The following GRIK3 variants were observed in gnomAD, a reference collection of about 807,000 sequenced individuals.
GRIK3 encodes the protein glutamate ionotropic receptor kainate type subunit 3, also known as glutamate receptor ionotropic, kainate 3.
In GRIK3, 29 loss-of-function variants were observed where a neutral mutation model predicts 102.5. The observed-to-expected ratio is 0.28, with a 90% CI of 0.21 to 0.39. The LOEUF is 0.39. Among genes scored for constraint, GRIK3 ranks in the 10% least tolerant of loss-of-function variants. The probability of loss-of-function intolerance (pLI) is 1.00; values close to 1 mark genes in which losing one functional copy is unlikely to be tolerated. For missense variants in GRIK3, 908 were observed against 1,252.4 expected (o/e 0.73, Z 4.15); for synonymous variants, 511 against 504.9 (o/e 1.01, Z -0.16).
At chr1:37,013,930 C>A (rs1225820547) in intron 1 of GRIK3, among the ~76,000 whole-genome samples, 1 of 152,220 alleles carries the variant, frequency 6.6e-6, no homozygotes, top group Non-Finnish European at 1.5e-5. Flanking sequence ...GAATGCCTTG[C>A]CCCAGCCCCT....
At chr1:36,823,214 C>A (rs1642714847) in intron 11 of GRIK3, among the ~76,000 whole-genome samples, 2 of 152,238 alleles carry the variant, frequency 1.3e-5, no homozygotes, top group Admixed American at 1.3e-4. Context: ...TGGCTCACGC[C>A]TGTAATCCCA....
chr1:36,905,899 A>T (rs1165498241), intron 1 of GRIK3, among the ~76,000 whole-genome samples: 1 of 152,240 alleles, frequency 6.6e-6, no homozygotes, highest in Non-Finnish European at 1.5e-5. Flanking sequence ...GGACAAAGCC[A>T]TCTCCATAGG....
chr1:36,877,504 C>G (rs770368413), intron 3 of GRIK3, among the ~76,000 whole-genome samples: 7 of 152,196 alleles, frequency 4.6e-5, no homozygotes, highest in Non-Finnish European at 8.8e-5. Context: ...TATTCTACGC[C>G]TTTGCTCAGC....
At chr1:36,887,411 T>C (rs1040115644) in intron 2 of GRIK3, among the ~76,000 whole-genome samples, 4 of 152,180 alleles carry the variant, frequency 2.6e-5, no homozygotes, top group African/African-American at 7.2e-5. Context: ...CCACATGTAA[T>C]GCATATATGC....
intron 1 of GRIK3, among the ~76,000 whole-genome samples, chr1:36,977,380 T>C (rs945675567): frequency 6.6e-6 from 1 of 152,196 alleles, no homozygotes; most frequent in Non-Finnish European, 1.5e-5. Flanking sequence ...AACCCAGAGC[T>C]GGACCATGAA....
intron 1 of GRIK3, among the ~76,000 whole-genome samples, chr1:37,019,693 T>C (rs1288625460): frequency 1.3e-5 from 2 of 152,126 alleles, no homozygotes; most frequent in African/African-American, 4.8e-5. Context: ...GGTGAATCAA[T>C]GAGTCAGCCC....
intron 1 of GRIK3, among the ~76,000 whole-genome samples, chr1:36,931,943 C>G (rs1300113792): frequency 1.3e-5 from 2 of 152,138 alleles, no homozygotes; most frequent in Non-Finnish European, 2.9e-5. Context: ...TCCAGAGGAC[C>G]CAGCTCTGCA....
At chr1:36,813,836 G>T (rs929176590) in intron 13 of GRIK3, among the ~76,000 whole-genome samples, 2 of 152,156 alleles carry the variant, frequency 1.3e-5, no homozygotes, top group Middle Eastern at 6.3e-3. Context: ...TCTCCAATAT[G>T]TAACAGTCCC....
intron 15 of GRIK3, among the ~76,000 whole-genome samples, chr1:36,802,702 G>C (rs968329641): frequency 6.6e-6 from 1 of 152,194 alleles, no homozygotes; most frequent in Non-Finnish European, 1.5e-5. Context: ...GATGATGGTG[G>C]CTTCCAGAGG....
intron 1 of GRIK3, among the ~76,000 whole-genome samples, chr1:36,903,083 G>A (rs1308266258): frequency 2.0e-5 from 3 of 151,968 alleles, no homozygotes; most frequent in South Asian, 2.1e-4. Flanking sequence ...CACCACGCCC[G>A]GCCTGATGAT....
rs80196253 is a variant in GRIK3, at chr1:36,868,895, A to C, written c.786+853T>G. Among the ~76,000 whole-genome samples the C allele has an allele frequency of 2.5e-4, 38 of 152,350 alleles. No individual in the cohort carries two copies. In the East Asian group the frequency reaches 6.2e-3, roughly 25 times the overall value. ...GGGAGAGCTAGCTGGGTGCTGGATA[A>C]ATGAATGAATATGGTTAGAGGCCTA... On this transcript the variant is annotated intron_variant, in intron 5 of 15. Transcript: ENST00000373091.
intron 8 of GRIK3, among the ~76,000 whole-genome samples, chr1:36,851,160 A>T (rs1252910083): frequency 1.3e-5 from 2 of 151,914 alleles, no homozygotes; most frequent in Admixed American, 1.3e-4. Flanking sequence ...TAGGGGGGCT[A>T]CTCAGGACAC....
At chr1:36,895,034 C>T (rs566956489) in intron 1 of GRIK3, among the ~76,000 whole-genome samples, 2 of 152,268 alleles carry the variant, frequency 1.3e-5, no homozygotes, top group African/African-American at 4.8e-5. Flanking sequence ...CCCTTCTACA[C>T]GTGTGTGTTG....
chr1:36,924,988 T>C (rs1046526311), intron 1 of GRIK3, among the ~76,000 whole-genome samples: 2 of 152,116 alleles, frequency 1.3e-5, no homozygotes, highest in African/African-American at 4.8e-5. Context: ...AAAGGCAGTA[T>C]TTACAAATGG....
intron 1 of GRIK3, among the ~76,000 whole-genome samples, chr1:36,902,475 T>C (rs1026830648): frequency 4.6e-5 from 7 of 152,086 alleles, no homozygotes; most frequent in Non-Finnish European, 1.0e-4. Context: ...GGCAATACGG[T>C]GGAGAAAAGA....
At chr1:36,875,464 A>G (rs761419826) in intron 3 of GRIK3, among the ~76,000 whole-genome samples, 4 of 152,174 alleles carry the variant, frequency 2.6e-5, no homozygotes, top group Admixed American at 6.5e-5. Flanking sequence ...GGGCCCTCCA[A>G]TTGGGCTCAC....
intron 1 of GRIK3, among the ~76,000 whole-genome samples, chr1:37,033,434 C>T (rs1396355079): frequency 6.6e-6 from 1 of 152,220 alleles, no homozygotes; most frequent in Non-Finnish European, 1.5e-5. Flanking sequence ...ACCCCCGCCC[C>T]ATGGCACGGG....
At chr1:36,866,630 C>T (rs188407759) in intron 5 of GRIK3, among the ~76,000 whole-genome samples, 20 of 152,298 alleles carry the variant, frequency 1.3e-4, no homozygotes, top group Admixed American at 4.6e-4. Flanking sequence ...ATGCACTCAG[C>T]GTAACAATCC....
chr1:36,796,407 G>A lies in GRIK3; in HGVS notation c.*5444C>T, dbSNP rs1453789956. ...CATCTTTCACCCCTCTGGCTCTGAG[G>A]TCGCTCCCTGACAGCTGGTCTCTGG... is the stretch of plus-strand genomic sequence containing the variant. On this transcript the variant is annotated 3_prime_UTR_variant, in exon 16 of 16. Coordinates refer to ENST00000373091, the MANE Select transcript of GRIK3 (RefSeq NM_000831.4). 2.0e-5 allele frequency: 3 copies of A among 152,318 alleles called. No homozygotes were observed. The highest frequency in any genetic ancestry group is 4.4e-5 in the Non-Finnish European group (3 of 68,126). The allele number at this position is 152,318 out of a possible 1,614,324, so 9.4% of individuals were successfully genotyped here.
Sources: allele counts gnomAD v4.1 joint callset (sites outside exome capture counted in the v4.1 genomes callset), GRCh38; gene constraint gnomAD v4.1.1; transcripts MANE v1.5; gene names NCBI Gene and HGNC (gene_info 2026-07-23, HGNC 2026-07-21).